The following ADARB2 variants were observed in gnomAD, a reference collection of about 807,000 sequenced individuals.
ADARB2 encodes inactive double-stranded RNA-specific editase B2.
Under a neutral mutation model 62.2 loss-of-function variants are expected in ADARB2, and 25 were observed. The ratio of observed to expected loss-of-function variants is 0.40; its 90% CI spans 0.29 to 0.56. The LOEUF is 0.56. Ranked by LOEUF, ADARB2 falls within the 20% of genes least tolerant of loss-of-function variation. ADARB2 has a pLI of 0.43. For missense variants in ADARB2, 1,071 were observed against 1,077.4 expected, an observed-to-expected ratio of 0.99 and a Z score of 0.08; for synonymous variants, 572 against 500.8, an observed-to-expected ratio of 1.14 and a Z score of -1.90.
intron 1 of ADARB2, among the ~76,000 whole-genome samples, chr10:1,487,424 T>G (rs1311499486): frequency 6.6e-6 from 1 of 152,214 alleles, no homozygotes; most frequent in African/African-American, 2.4e-5. Flanking sequence ...CTGGACTTCT[T>G]TATAGCTCTT....
intron 1 of ADARB2, among the ~76,000 whole-genome samples, chr10:1,535,868 C>T (rs529235817): frequency 2.6e-5 from 4 of 152,144 alleles, no homozygotes; most frequent in Non-Finnish European, 5.9e-5. Context: ...TCTGCTGAGG[C>T]GTGGGGGCCA....
chr10:1,582,560 C>T (rs927699952), intron 1 of ADARB2, among the ~76,000 whole-genome samples: 3 of 152,150 alleles, frequency 2.0e-5, no homozygotes, highest in African/African-American at 7.2e-5. Flanking sequence ...AGCTACAGAA[C>T]GATGACCACT....
At chr10:1,506,259 C>A (rs1831846131) in intron 1 of ADARB2, among the ~76,000 whole-genome samples, 1 of 152,130 alleles carries the variant, frequency 6.6e-6, no homozygotes, top group South Asian at 2.1e-4. Flanking sequence ...TCGTGCGGCT[C>A]ATTTCAACTT....
At chr10:1,282,539 A>T (rs139865731) in intron 3 of ADARB2, among the ~76,000 whole-genome samples, 8 of 152,332 alleles carry the variant, frequency 5.3e-5, no homozygotes, top group African/African-American at 1.9e-4. Context: ...TAGAATTCAG[A>T]TAGGGAGACA....
At chr10:1,466,335 C>T (rs368326483) in intron 1 of ADARB2, among the ~76,000 whole-genome samples, 21 of 152,296 alleles carry the variant, frequency 1.4e-4, no homozygotes, top group Admixed American at 2.6e-4. Context: ...CGGGCAAAGA[C>T]GGTGCTTCTC....
At chr10:1,300,215 C>T (rs566430665) in intron 3 of ADARB2, among the ~76,000 whole-genome samples, 1 of 152,376 alleles carries the variant, frequency 6.6e-6, no homozygotes, top group African/African-American at 2.4e-5. Flanking sequence ...CTTCCAAACC[C>T]TTTTAGCCTT....
intron 3 of ADARB2, among the ~76,000 whole-genome samples, chr10:1,317,058 C>T (rs947369764): frequency 2.6e-5 from 4 of 152,202 alleles, no homozygotes; most frequent in Non-Finnish European, 4.4e-5. Flanking sequence ...TGGGCACTGC[C>T]GTGGCAAAAT....
rs371846396 is a variant in ADARB2 at position 1,267,629 on chromosome 10, AAAG to A, written c.1192+3323_1192+3325del. 4.9e-4 allele frequency among the ~76,000 whole-genome samples: 75 copies of A among 152,312 alleles called. 1 individual carries two copies. In the South Asian group the frequency reaches 5.6e-3, roughly 11 times the overall value. ...CTTTCTTTTTTTTCAATAAGAGAAA[AAAG>A]AAGACATTCCAGAAAAAAACACGCA... On this transcript the variant is annotated intron_variant, in intron 4 of 9. Transcript: ENST00000381312.
At chr10:1,593,276 C>T (rs1588315683) in intron 1 of ADARB2, among the ~76,000 whole-genome samples, 1 of 147,938 alleles carries the variant, frequency 6.8e-6, no homozygotes, top group Non-Finnish European at 1.5e-5. Flanking sequence ...CTCACCCAAG[C>T]CACCCTCCAT....
rs1564312510 is a variant in ADARB2, at chr10:1,510,116, CTTTCTTTCTT to C, written c.101-130966_101-130957del. Among the ~76,000 whole-genome samples, 323 of 101,840 alleles carry C rather than the reference CTTTCTTTCTT, an allele frequency of 3.2e-3. 2 individuals carry two copies. Among genetic ancestry groups the C allele is most frequent in the Middle Eastern group, 4.4e-3 (1 of 226 alleles). 66.8% of individuals were successfully genotyped at this position (101,840 alleles called of 152,430 possible). On this transcript the variant is annotated intron_variant, in intron 1 of 9. Coordinates refer to ENST00000381312, the MANE Select transcript of ADARB2 (RefSeq NM_018702.4). ...CTCTCTTTTCTTTCTTTCTCTCTTT[CTTTCTTTCTT>C]TCTTTCTTTCTTTCTTTCTTTCTTT...
At chr10:1,603,015 C>G (rs1400084843) in intron 1 of ADARB2, among the ~76,000 whole-genome samples, 3 of 140,886 alleles carry the variant, frequency 2.1e-5, no homozygotes, top group Admixed American at 1.4e-4. Context: ...ACTGTACACA[C>G]ACATACACAC....
chr10:1,447,015 A>G (rs1240423238), intron 1 of ADARB2, among the ~76,000 whole-genome samples: 1 of 152,236 alleles, frequency 6.6e-6, no homozygotes, highest in African/African-American at 2.4e-5. Flanking sequence ...TTATTTAATC[A>G]CTTAATTGTA....
intron 1 of ADARB2, among the ~76,000 whole-genome samples, chr10:1,481,995 G>A (rs1475650274): frequency 6.6e-6 from 1 of 152,076 alleles, no homozygotes; most frequent in Non-Finnish European, 1.5e-5. Flanking sequence ...ATGAAAAGAT[G>A]CTCAACATGA....
rs761808070 is a variant in ADARB2 at position 1,229,845 on chromosome 10, C to CGTGT, written c.1513+3845_1513+3848dup. Among the ~76,000 whole-genome samples, 13 of 120,188 alleles carry CGTGT rather than the reference C, an allele frequency of 1.1e-4. No individual in the cohort carries two copies. The South Asian group carries it at 1.1e-3, about 10-fold the overall frequency. 78.8% of individuals were successfully genotyped at this position (120,188 alleles called of 152,430 possible). Reference sequence around the variant, plus strand: ...GTATGTTTTTGTGCACATGTGCTTACGTGTGTGTGTGTGTGTGTGTGTGGG... The same window carrying CGTGT: ...GTATGTTTTTGTGCACATGTGCTTACGTGTGTGTGTGTGTGTGTGTGTGTGTGGG... On this transcript the variant is annotated intron_variant, in intron 6 of 9. Coordinates refer to ENST00000381312, the MANE Select transcript of ADARB2 (RefSeq NM_018702.4).
At chr10:1,564,835 T>C (rs1162240322) in intron 1 of ADARB2, among the ~76,000 whole-genome samples, 1 of 151,798 alleles carries the variant, frequency 6.6e-6, no homozygotes, top group East Asian at 1.9e-4. Context: ...AGCTTTGTAA[T>C]AATAGCAATG....
chr10:1,345,206 G>A (rs1008849212), intron 3 of ADARB2, among the ~76,000 whole-genome samples: 2 of 152,082 alleles, frequency 1.3e-5, no homozygotes, highest in Non-Finnish European at 2.9e-5. Context: ...ACGAGGCCTC[G>A]TCAGACCCAG....
chr10:1,289,704 T>A (rs146493011), intron 3 of ADARB2, among the ~76,000 whole-genome samples: 1 of 152,376 alleles, frequency 6.6e-6, no homozygotes, highest in East Asian at 1.9e-4. Flanking sequence ...TATGCAGGCC[T>A]CATACCACGC....
intron 1 of ADARB2, among the ~76,000 whole-genome samples, chr10:1,512,098 G>A (rs1264262471): frequency 6.6e-6 from 1 of 151,806 alleles, no homozygotes; most frequent in Non-Finnish European, 1.5e-5. Flanking sequence ...TGTCTACACT[G>A]GACACCAAGA....
intron 6 of ADARB2, among the ~76,000 whole-genome samples, chr10:1,222,926 A>T (rs1325778820): frequency 6.6e-6 from 1 of 151,950 alleles, no homozygotes; most frequent in Non-Finnish European, 1.5e-5. Context: ...TATGAACTTT[A>T]AAGTAGTTTT....
Sources: allele counts gnomAD v4.1 joint callset (sites outside exome capture counted in the v4.1 genomes callset), GRCh38; gene constraint gnomAD v4.1.1; transcripts MANE v1.5; gene names NCBI Gene and HGNC (gene_info 2026-07-23, HGNC 2026-07-21).